SIGLEC15: variants seen among roughly 807,000 people sequenced by gnomAD.
SIGLEC15 encodes the protein sialic acid binding Ig like lectin 15.
SIGLEC15 carries 31 observed loss-of-function variants against 26.2 expected under a neutral mutation model. The ratio of observed to expected loss-of-function variants is 1.18; its 90% CI spans 0.89 to 1.60. The LOEUF is 1.60. Ranked by LOEUF, SIGLEC15 falls within the 40% of genes most tolerant of loss-of-function variation. SIGLEC15 has a pLI of 0.00. For synonymous variants in SIGLEC15, 207 were observed against 221.9 expected, an observed-to-expected ratio of 0.93 and a Z score of 0.60; for missense variants, 501 against 488.4, an observed-to-expected ratio of 1.03 and a Z score of -0.24.
intron 1 of SIGLEC15, among the ~76,000 whole-genome samples, chr18:45,835,264 C>G (rs1048373142): frequency 6.6e-6 from 1 of 152,152 alleles, no homozygotes; most frequent in Non-Finnish European, 1.5e-5. Flanking sequence ...CGGCAAGATC[C>G]AGACCAGACC....
chr18:45,837,819 A>C lies in SIGLEC15; in HGVS notation c.419A>C (p.Tyr140Ser), dbSNP rs1236136512. ...ERLALADDRR[Y>S]FCRVEFAGDV... ...CTCGCCCTGGCTGACGACCGCCGCT[A>C]CTTCTGCCGCGTCGAGTTCGCCGGC... The change falls in exon 3 of 6, where the codon TAC becomes TCC. Residue 140 changes from tyrosine to serine, a missense_variant. Tyr to Ser is a moderately radical substitution (Grantham distance 144, BLOSUM62 -2). Transcript: ENST00000389474. The C allele has an allele frequency of 5.9e-6, 9 of 1,533,414 alleles. No individual in the cohort carries two copies. Among genetic ancestry groups the C allele is most frequent in the Non-Finnish European group, 6.1e-6 (7 of 1,150,206 alleles). The allele number at this position is 1,533,414 out of a possible 1,614,324, so 95.0% of individuals were successfully genotyped here.
At chr18:45,837,471 A>G (rs1056379165) in intron 2 of SIGLEC15, 42 bp from the exon 3 acceptor site, 47 of 1,431,000 alleles carry the variant, frequency 3.3e-5, no homozygotes, top group Non-Finnish European at 3.8e-5. Context: ...GGGCGCCTCG[A>G]CCCCAGGGCC....
chr18:45,831,743 C>CTCT (rs5824609), intron 1 of SIGLEC15, among the ~76,000 whole-genome samples: 1 of 146,756 alleles, frequency 6.8e-6, no homozygotes, highest in African/African-American at 2.5e-5. Context: ...GTACCAACAT[C>CTCT]TTTTTTTTTT....
At chr18:45,829,059 G>A in intron 1 of SIGLEC15, 5 of 984,386 alleles carry the variant, frequency 5.1e-6, no homozygotes, top group Non-Finnish European at 6.0e-6. Flanking sequence ...CACTATGGAG[G>A]CTGGGCAGGG....
rs1568081052 is a variant in SIGLEC15, at chr18:45,837,813, GC to G, written c.415del (p.Arg139AlafsTer26). The stretch of plus-strand genomic sequence containing the variant: ...GAGCGCCTCGCCCTGGCTGACGACC[GC>G]CGCTACTTCTGCCGCGTCGAGTTCG... ...RVERLALADD[R>X]RYFCRVEFAG... On this transcript the variant is annotated frameshift_variant, in exon 3 of 6. Coordinates refer to ENST00000389474, the MANE Select transcript of SIGLEC15 (RefSeq NM_213602.3). LOFTEE classifies it high-confidence loss of function. 1 of 1,531,484 alleles carries G rather than the reference GC, an allele frequency of 6.5e-7. No individual in the cohort carries two copies. The highest frequency in any genetic ancestry group is 1.4e-5 in the African/African-American group (1 of 70,106). 94.9% of individuals were successfully genotyped at this position (1,531,484 alleles called of 1,614,324 possible).
chr18:45,832,917 G>A (rs1174651051), intron 1 of SIGLEC15, among the ~76,000 whole-genome samples: 3 of 152,176 alleles, frequency 2.0e-5, no homozygotes, highest in Middle Eastern at 3.4e-3. Flanking sequence ...TGTGTAAGCG[G>A]GAGTCCAAGT....
At position 45,842,465 on chromosome 18, in the gene SIGLEC15, A is replaced by C; in HGVS notation, c.*278A>C. On this transcript the variant is annotated 3_prime_UTR_variant, in exon 6 of 6. Coordinates refer to ENST00000389474, the MANE Select transcript of SIGLEC15 (RefSeq NM_213602.3). Reference sequence around the variant, plus strand: ...TGTGAGAGAGAGAGAGAGAGAGTACACGCATTAGCTTGAGCGTGAAACTTC... The same window carrying C: ...TGTGAGAGAGAGAGAGAGAGAGTACCCGCATTAGCTTGAGCGTGAAACTTC... 2.5e-6 allele frequency: 1 copy of C among 392,736 alleles called. No homozygotes were observed. The highest frequency in any genetic ancestry group is 4.6e-6 in the Non-Finnish European group (1 of 219,366). The allele number at this position is 392,736 out of a possible 1,614,324, so 24.3% of individuals were successfully genotyped here. A position where few individuals can be genotyped will look rare whatever the true frequency, so the allele number is the denominator to read the frequency against.
At chr18:45,831,807 G>T (rs970099974) in intron 1 of SIGLEC15, among the ~76,000 whole-genome samples, 1 of 150,418 alleles carries the variant, frequency 6.6e-6, no homozygotes, top group African/African-American at 2.5e-5. Flanking sequence ...GGGCAATCTC[G>T]GCTCACTGCA....
Position 45,841,514 on chromosome 18 carries a change from T to G in SIGLEC15, c.906-592T>G, listed in dbSNP as rs547598427. On this transcript the variant is annotated intron_variant, in intron 5 of 5. Transcript: ENST00000389474. Reference sequence around the variant, plus strand: ...GAACAAGCTGGCCCAGGAGACTTGGTTGCAGGCCGTTGGCAAGGCTGAGGC... The same window carrying G: ...GAACAAGCTGGCCCAGGAGACTTGGGTGCAGGCCGTTGGCAAGGCTGAGGC... Among the ~76,000 whole-genome samples, 369 of 152,256 alleles carry G rather than the reference T, an allele frequency of 2.4e-3. 2 individuals are homozygous for G. The highest frequency in any genetic ancestry group is 8.5e-3 in the African/African-American group (353 of 41,530).
chr18:45,831,680 T>C (rs180750744), intron 1 of SIGLEC15, among the ~76,000 whole-genome samples: 130 of 152,144 alleles, frequency 8.5e-4, no homozygotes, highest in African/African-American at 3.1e-3. Context: ...TGGGCAATTA[T>C]ACTTCAGCTG....
chr18:45,841,741 C>T (rs1030008123), intron 5 of SIGLEC15, among the ~76,000 whole-genome samples: 2 of 152,124 alleles, frequency 1.3e-5, no homozygotes, highest in Admixed American at 6.5e-5. Context: ...GAGGGTCATG[C>T]GTAGCACAGT....
At chr18:45,837,425 G>A in intron 2 of SIGLEC15, 88 bp from the exon 3 acceptor site, 1 of 1,391,224 alleles carries the variant, frequency 7.2e-7, no homozygotes, top group Non-Finnish European at 9.3e-7. Context: ...TTGGGGGAGC[G>A]TTTCCTGGGT....
At chr18:45,836,497 C>T (rs903034641) in intron 1 of SIGLEC15, among the ~76,000 whole-genome samples, 1 of 152,166 alleles carries the variant, frequency 6.6e-6, no homozygotes, top group Non-Finnish European at 1.5e-5. Context: ...CCCCTCTCCC[C>T]CAAAGCAGCA....
chr18:45,841,166 C>G (rs1384421857), intron 5 of SIGLEC15: 1 of 152,266 alleles, frequency 6.6e-6, no homozygotes, highest in Non-Finnish European at 1.5e-5. Flanking sequence ...GGGGAGGGGG[C>G]CCGCTGCTGG....
rs563763204 is a variant in SIGLEC15 at position 45,842,624 on chromosome 18, T to C, written c.*437T>C. The C allele has an allele frequency of 2.9e-5, 5 of 169,768 alleles. No homozygotes were observed. The East Asian group carries it at 7.8e-4, about 27-fold the overall frequency. 10.5% of individuals were successfully genotyped at this position (169,768 alleles called of 1,614,324 possible). ...CTTGCTGTGTGGACCTGGGACACTC[T>C]CTTCACTTCTCTGGGTCTCAATTCA... On this transcript the variant is annotated 3_prime_UTR_variant, in exon 6 of 6. Transcript: ENST00000389474.
chr18:45,830,752 A>ATTTTTTTTTTT (rs34498635), intron 1 of SIGLEC15, among the ~76,000 whole-genome samples: 97 of 117,980 alleles, frequency 8.2e-4, no homozygotes, highest in East Asian at 2.0e-3. Context: ...TGCCAGGCTA[A>ATTTTTTTTTTT]TTTTTTTTTT....
At chr18:45,832,249 G>A (rs1255919663) in intron 1 of SIGLEC15, among the ~76,000 whole-genome samples, 1 of 152,200 alleles carries the variant, frequency 6.6e-6, no homozygotes, top group Non-Finnish European at 1.5e-5. Flanking sequence ...AGGACCCTGA[G>A]ACCCGGGATA....
chr18:45,840,227 G>A lies in SIGLEC15; in HGVS notation c.891G>A (p.Pro297=), dbSNP rs778749999. ...CTCCCACAGAGCATCTGGACACCCC[G>A]GACACCCCACCACGGTAAGTGAGCT... is the stretch of plus-strand genomic sequence containing the variant. ...ARRRPEHLDT[P]DTPPRSQAQE... Residue 297 remains proline, a synonymous_variant, in exon 5 of 6, where the codon CCG becomes CCA. Transcript: ENST00000389474. 1.2e-5 allele frequency: 19 copies of A among 1,612,428 alleles called. No homozygotes were observed. The highest frequency in any genetic ancestry group is 3.3e-5 in the Admixed American group (2 of 59,796).
chr18:45,829,241 G>C (rs1325093693), intron 1 of SIGLEC15: 1 of 799,622 alleles, frequency 1.3e-6, no homozygotes, highest in Admixed American at 6.2e-5. Context: ...GGGTTAAAGG[G>C]GAAGCCAGAT....
Sources: gnomAD v4.1 joint callset for allele counts (sites outside exome capture counted in the v4.1 genomes callset) on GRCh38, gnomAD v4.1.1 for gene constraint, MANE v1.5 for transcripts, NCBI Gene and HGNC (gene_info 2026-07-23, HGNC 2026-07-21) for gene names.